SORCS2: variants seen among roughly 807,000 people sequenced by gnomAD.
The protein encoded by SORCS2 is sortilin related VPS10 domain containing receptor 2, also known as VPS10 domain-containing receptor SorCS2.
SORCS2 carries 100 observed loss-of-function variants against 141.6 expected under a neutral mutation model. The observed-to-expected ratio is 0.71, with a 90% CI of 0.60 to 0.83. SORCS2 has a LOEUF of 0.83. Among genes scored for constraint, SORCS2 ranks in the 40% least tolerant of loss-of-function variants. SORCS2 has a pLI of 0.00. For missense variants in SORCS2, 1,646 were observed against 1,560.2 expected (o/e 1.05, Z -0.93); for synonymous variants, 789 against 676.9 (o/e 1.17, Z -2.57).
intron 2 of SORCS2, among the ~76,000 whole-genome samples, chr4:7,472,930 C>G (rs984388842): frequency 7.0e-6 from 1 of 141,848 alleles, no homozygotes; most frequent in Non-Finnish European, 1.5e-5. Context: ...AAAAAAAAAA[C>G]AAAATAGCCC....
At chr4:7,499,152 G>A (rs7691145) in intron 2 of SORCS2, among the ~76,000 whole-genome samples, 24,571 of 100,300 alleles carry the variant, frequency 0.24, 3,188 homozygotes, top group East Asian at 0.47. Flanking sequence ...AATGTAGCAC[G>A]AGTATGTGCA....
chr4:7,376,962 A>T (rs2109059304), intron 1 of SORCS2, among the ~76,000 whole-genome samples: 1 of 150,668 alleles, frequency 6.6e-6, no homozygotes, highest in Admixed American at 6.6e-5. Flanking sequence ...AGTCACGTGC[A>T]GCCTGAAGAC....
In SORCS2 at chr4:7,236,112, C is replaced by A. The variant is rs150745890; in HGVS notation, c.480+42986C>A. 5.2e-3 allele frequency among the ~76,000 whole-genome samples: 785 copies of A among 152,280 alleles called. 7 individuals carry two copies. The highest frequency in any genetic ancestry group is 0.018 in the African/African-American group (733 of 41,548). On this transcript the variant is annotated intron_variant, in intron 1 of 26. Transcript: ENST00000507866. ...GCCTTCAGACACTTGCACGTATGGACGTTCATGTGGGTACCTATACCTGCA... is the reference window on the plus strand; with the variant it reads ...GCCTTCAGACACTTGCACGTATGGAAGTTCATGTGGGTACCTATACCTGCA...
chr4:7,696,623 T>C (rs1724725570), intron 11 of SORCS2, among the ~76,000 whole-genome samples: 1 of 152,190 alleles, frequency 6.6e-6, no homozygotes, highest in African/African-American at 2.4e-5. Flanking sequence ...ATCAGCCCAG[T>C]GCTGGGGCTC....
intron 1 of SORCS2, among the ~76,000 whole-genome samples, chr4:7,252,853 C>T (rs1713597108): frequency 1.3e-5 from 2 of 152,272 alleles, no homozygotes; most frequent in South Asian, 2.1e-4. Context: ...AATCCAAAAT[C>T]ATTATTGCAT....
In SORCS2 at chr4:7,733,384, A is replaced by G. The variant is rs79532786; in HGVS notation, c.3171A>G (p.Gly1057=). ...AGATCAGCTTCCTCCTGCGAGGCGG[A>G]GTCCGGGTCCTGGTGGCCCTGCGGG... is the stretch of plus-strand genomic sequence containing the variant. ...AQKISFLLRG[G]VRVLVALRDT... Residue 1057 remains glycine (G), a synonymous_variant, in exon 24 of 27, where the codon GGA becomes GGG. Coordinates refer to ENST00000507866, the MANE Select transcript of SORCS2 (RefSeq NM_020777.3). The G allele has an allele frequency of 0.067, 106,963 of 1,590,852 alleles. 4,066 individuals carry two copies. Among genetic ancestry groups the G allele is most frequent in the Non-Finnish European group, 0.08 (93,087 of 1,169,164 alleles).
chr4:7,290,088 G>T (rs1263871755), intron 1 of SORCS2, among the ~76,000 whole-genome samples: 1 of 152,158 alleles, frequency 6.6e-6, no homozygotes, highest in East Asian at 1.9e-4. Flanking sequence ...CCAAATATGG[G>T]GGAGACTGCA....
intron 1 of SORCS2, among the ~76,000 whole-genome samples, chr4:7,295,508 C>T (rs898931946): frequency 8.5e-5 from 13 of 152,096 alleles, no homozygotes; most frequent in Admixed American, 2.6e-4. Context: ...TTGGCTCGAG[C>T]CGCCCAGCCC....
At chr4:7,736,690 C>T (rs1477158863) in intron 25 of SORCS2, among the ~76,000 whole-genome samples, 4 of 152,140 alleles carry the variant, frequency 2.6e-5, no homozygotes, top group Non-Finnish European at 4.4e-5. Context: ...GTGCCTCCTG[C>T]GGGAATGTGT....
chr4:7,618,475 C>CA (rs1222513017), intron 3 of SORCS2, among the ~76,000 whole-genome samples: 1 of 152,198 alleles, frequency 6.6e-6, no homozygotes, highest in Non-Finnish European at 1.5e-5. Context: ...CCCCATCCCA[C>CA]ATTGCAATCA....
intron 3 of SORCS2, among the ~76,000 whole-genome samples, chr4:7,619,090 T>C (rs1427352264): frequency 1.3e-5 from 2 of 152,168 alleles, no homozygotes; most frequent in Non-Finnish European, 2.9e-5. Flanking sequence ...TACGTGTCTC[T>C]GGGCAAGTTG....
At chr4:7,355,563 G>A (rs1721198443) in intron 1 of SORCS2, among the ~76,000 whole-genome samples, 2 of 152,140 alleles carry the variant, frequency 1.3e-5, no homozygotes, top group East Asian at 1.9e-4. Context: ...CGTCCCCAGG[G>A]GCCTCAGAGT....
chr4:7,272,757 G>A (rs1428407236), intron 1 of SORCS2, among the ~76,000 whole-genome samples: 6 of 152,250 alleles, frequency 3.9e-5, no homozygotes, highest in African/African-American at 1.2e-4. Context: ...ATCAATAATC[G>A]CAATCAGATC....
chr4:7,371,355 C>G (rs1020129628), intron 1 of SORCS2, among the ~76,000 whole-genome samples: 2 of 152,132 alleles, frequency 1.3e-5, no homozygotes, highest in South Asian at 2.1e-4. Context: ...TTCTTGAGAA[C>G]CTTGCCGCAC....
intron 1 of SORCS2, among the ~76,000 whole-genome samples, chr4:7,361,195 C>T (rs897983808): frequency 6.6e-6 from 1 of 152,154 alleles, no homozygotes; most frequent in African/African-American, 2.4e-5. Flanking sequence ...CTTCGTTATG[C>T]CTAATTGTGC....
intron 24 of SORCS2, among the ~76,000 whole-genome samples, 161 bp downstream of exon 24, chr4:7,733,582 C>T (rs1711887263): frequency 6.6e-6 from 1 of 152,136 alleles, no homozygotes; most frequent in Admixed American, 6.5e-5. Flanking sequence ...AGACGCAGGA[C>T]CGCGCTCTCC....
At chr4:7,614,671 CCCATCAATCCAT>C (rs1490279900) in intron 3 of SORCS2, among the ~76,000 whole-genome samples, 1 of 151,044 alleles carries the variant, frequency 6.6e-6, no homozygotes, top group Non-Finnish European at 1.5e-5. Flanking sequence ...CCACCACCCA[CCCATCAATCCAT>C]CTATCCATCC....
chr4:7,709,011 C>A lies in SORCS2; in HGVS notation c.1869-3722C>A, dbSNP rs140429389. Among the ~76,000 whole-genome samples, 1,357 of 152,302 alleles carry A rather than the reference C, an allele frequency of 8.9e-3. 24 individuals carry two copies. The highest frequency in any genetic ancestry group is 0.031 in the African/African-American group (1,276 of 41,558). The stretch of plus-strand genomic sequence containing the variant: ...GTCTCGTGCCCCCGGAGGCCGTGGT[C>A]TGGGACAGAATGGGATGGTCCTGCC... On this transcript the variant is annotated intron_variant, in intron 14 of 26. Transcript: ENST00000507866.
chr4:7,547,330 C>A (rs1426033111), intron 3 of SORCS2, among the ~76,000 whole-genome samples: 1 of 152,210 alleles, frequency 6.6e-6, no homozygotes, highest in Non-Finnish European at 1.5e-5. Context: ...CTTCCCTAGC[C>A]CACTTCCCTC....
Sources: allele counts gnomAD v4.1 joint callset (sites outside exome capture counted in the v4.1 genomes callset), GRCh38; gene constraint gnomAD v4.1.1; transcripts MANE v1.5; gene names NCBI Gene and HGNC (gene_info 2026-07-23, HGNC 2026-07-21).